MAN2A1: variants seen among roughly 807,000 people sequenced by gnomAD.
The protein encoded by MAN2A1 is alpha-mannosidase 2.
A neutral mutation model predicts 142.6 loss-of-function variants in MAN2A1; 76 were observed. The observed-to-expected ratio is 0.53, with a 90% CI of 0.44 to 0.65. The LOEUF (loss-of-function observed/expected upper bound fraction) is 0.65, where lower values mean the gene tolerates loss of function less well. Among genes scored for constraint, MAN2A1 ranks in the 30% least tolerant of loss-of-function variants. The pLI, the probability that MAN2A1 is intolerant of heterozygous loss-of-function variation, is 0.00. For missense variants in MAN2A1, 1,311 were observed against 1,365.1 expected, an observed-to-expected ratio of 0.96 and a Z score of 0.62; for synonymous variants, 559 against 473.2, an observed-to-expected ratio of 1.18 and a Z score of -2.35.
intron 7 of MAN2A1, 104 bp downstream of exon 7, chr5:109,770,645 C>A: frequency 9.7e-7 from 1 of 1,032,774 alleles, no homozygotes; most frequent in African/African-American, 1.6e-5. Context: ...CCAACATTAT[C>A]CTTGTTTGAA....
intron 16 of MAN2A1, among the ~76,000 whole-genome samples, chr5:109,831,442 G>T (rs1754904082): frequency 6.6e-6 from 1 of 152,190 alleles, no homozygotes. Context: ...ATATCACAAT[G>T]TGTGAAATAA....
At chr5:109,731,922 C>T (rs1582834435) in intron 4 of MAN2A1, among the ~76,000 whole-genome samples, 1 of 150,738 alleles carries the variant, frequency 6.6e-6, no homozygotes, top group South Asian at 2.1e-4. Flanking sequence ...TTCTGGATCC[C>T]TGAGGAATCG....
rs146640715 is a variant in MAN2A1 at position 109,808,922 on chromosome 5, C to T, written c.1944-8351C>T. 2.1e-3 allele frequency among the ~76,000 whole-genome samples: 324 copies of T among 152,036 alleles called. 1 individual carries two copies. The highest frequency in any genetic ancestry group is 3.2e-3 in the Non-Finnish European group (218 of 67,962). On this transcript the variant is annotated intron_variant, in intron 12 of 21. Coordinates refer to ENST00000261483, the MANE Select transcript of MAN2A1 (RefSeq NM_002372.4). ...GTCGCCATGTTTGCCAGGCTGGTCT[C>T]GAACTCCTTACCTCGGGTGATCTGC...
At chr5:109,732,569 C>T (rs1405464765) in intron 4 of MAN2A1, among the ~76,000 whole-genome samples, 4 of 151,872 alleles carry the variant, frequency 2.6e-5, no homozygotes, top group African/African-American at 9.7e-5. Flanking sequence ...CCAGTTTCAG[C>T]TTTCTGCTTA....
intron 12 of MAN2A1, among the ~76,000 whole-genome samples, chr5:109,814,874 C>T (rs954225979): frequency 3.3e-5 from 5 of 152,016 alleles, no homozygotes; most frequent in African/African-American, 1.2e-4. Context: ...GTCTTCATGA[C>T]CTTTGGCTGT....
chr5:109,752,310 A>G (rs1752568260), intron 4 of MAN2A1, among the ~76,000 whole-genome samples: 1 of 152,188 alleles, frequency 6.6e-6, no homozygotes, highest in African/African-American at 2.4e-5. Flanking sequence ...TTTTGCAAAT[A>G]TCTGTGAGCT....
intron 16 of MAN2A1, among the ~76,000 whole-genome samples, chr5:109,827,397 T>C (rs1024054780): frequency 6.6e-6 from 1 of 152,374 alleles, no homozygotes; most frequent in South Asian, 2.1e-4. Flanking sequence ...GTCTCTACTT[T>C]AGTTGTTCTT....
Position 109,732,857 on chromosome 5 carries a change from G to T in MAN2A1, c.707+3344G>T, listed in dbSNP as rs546348204. The stretch of plus-strand genomic sequence containing the variant: ...ACTTGGCGATGCGGGCTCTTTTTTG[G>T]TTCCATATGAACTTTAAAGTAGTTT... On this transcript the variant is annotated intron_variant, in intron 4 of 21. Coordinates refer to ENST00000261483, the MANE Select transcript of MAN2A1 (RefSeq NM_002372.4). Among the ~76,000 whole-genome samples the T allele has an allele frequency of 4.0e-4, 60 of 151,534 alleles. No individual in the cohort carries two copies. In the East Asian group the frequency reaches 5.2e-3, roughly 13 times the overall value.
Position 109,784,825 on chromosome 5 carries a change from C to T in MAN2A1, c.1659C>T (p.Tyr553=), listed in dbSNP as rs1753554986. 3 of 1,612,736 alleles carry T rather than the reference C, an allele frequency of 1.9e-6. No homozygotes were observed. Among genetic ancestry groups the T allele is most frequent in the Non-Finnish European group, 2.5e-6 (3 of 1,179,392 alleles). The change falls in exon 10 of 22, where the codon TAC becomes TAT. Residue 553 remains tyrosine (Y), a synonymous_variant. Transcript: ENST00000261483. The part of the protein sequence containing the change: ...KINKFLSSSL[Y]TALTEARRNL... Reference sequence around the variant, plus strand: ...ATAAATTTCTCTCATCATCACTTTACACGGCACTGACAGAAGCCAGAAGGA... The same window carrying T: ...ATAAATTTCTCTCATCATCACTTTATACGGCACTGACAGAAGCCAGAAGGA...
chr5:109,823,442 T>A (rs955816783), intron 15 of MAN2A1, among the ~76,000 whole-genome samples: 13 of 152,274 alleles, frequency 8.5e-5, no homozygotes, highest in Admixed American at 5.9e-4. Context: ...TATGGACAAA[T>A]AGAAGGATTT....
intron 21 of MAN2A1, chr5:109,865,511 A>C: frequency 4.9e-6 from 1 of 203,326 alleles, no homozygotes; most frequent in Admixed American, 5.5e-5. Flanking sequence ...CCTAAGTCCT[A>C]CAGAGGCCAA....
At chr5:109,768,463 T>G (rs1205763678) in intron 6 of MAN2A1, among the ~76,000 whole-genome samples, 1 of 152,206 alleles carries the variant, frequency 6.6e-6, no homozygotes, top group African/African-American at 2.4e-5. Flanking sequence ...AAAAGTCATA[T>G]AGGTCATGCA....
intron 4 of MAN2A1, among the ~76,000 whole-genome samples, chr5:109,749,228 G>C (rs1003958884): frequency 6.6e-6 from 1 of 152,094 alleles, no homozygotes; most frequent in Non-Finnish European, 1.5e-5. Flanking sequence ...CTTTGAGTGT[G>C]TCCTTCTGTG....
chr5:109,797,008 T>G (rs1431064337), intron 12 of MAN2A1, among the ~76,000 whole-genome samples: 1 of 152,198 alleles, frequency 6.6e-6, no homozygotes. Flanking sequence ...CAACAAATAT[T>G]TGTCAAATAA....
chr5:109,717,705 G>T (rs959402876), intron 3 of MAN2A1, among the ~76,000 whole-genome samples: 2 of 152,144 alleles, frequency 1.3e-5, no homozygotes, highest in African/African-American at 4.8e-5. Flanking sequence ...AATGAGGCAG[G>T]TATCTTGGCT....
At chr5:109,737,783 A>C (rs1329774055) in intron 4 of MAN2A1, among the ~76,000 whole-genome samples, 1 of 152,220 alleles carries the variant, frequency 6.6e-6, no homozygotes, top group Non-Finnish European at 1.5e-5. Flanking sequence ...AATTGGTTAA[A>C]AAATGCATAA....
intron 4 of MAN2A1, among the ~76,000 whole-genome samples, chr5:109,744,298 G>T (rs1421699328): frequency 1.3e-5 from 2 of 152,048 alleles, no homozygotes; most frequent in African/African-American, 2.4e-5. Context: ...GTCTTGGAAG[G>T]CCTCCTGAAG....
chr5:109,866,161 A>G (rs554883237), intron 21 of MAN2A1, among the ~76,000 whole-genome samples: 262 of 152,260 alleles, frequency 1.7e-3, no homozygotes, highest in South Asian at 4.3e-3. Flanking sequence ...TTACTTTTTT[A>G]TTATACTGTA....
chr5:109,713,387 C>A, intron 1 of MAN2A1, 133 bp from the exon 2 acceptor site: 2 of 623,394 alleles, frequency 3.2e-6, no homozygotes, highest in South Asian at 3.2e-5. Flanking sequence ...TGCGATCCCA[C>A]TTATAAAAGT....
Sources: allele counts gnomAD v4.1 joint callset (sites outside exome capture counted in the v4.1 genomes callset), GRCh38; gene constraint gnomAD v4.1.1; transcripts MANE v1.5; gene names NCBI Gene and HGNC (gene_info 2026-07-23, HGNC 2026-07-21).